The following TMEM132D variants were observed in gnomAD, a reference collection of about 807,000 sequenced individuals.
TMEM132D encodes the protein mature OL transmembrane protein.
Under a neutral mutation model 62.3 loss-of-function variants are expected in TMEM132D, and 21 were observed. The observed-to-expected ratio is 0.34, with a 90% CI of 0.24 to 0.49. The LOEUF (loss-of-function observed/expected upper bound fraction) is 0.49. Among genes scored for constraint, TMEM132D ranks in the 20% least tolerant of loss-of-function variants. TMEM132D has a pLI of 0.99. For synonymous variants in TMEM132D, 621 were observed against 575.6 expected (o/e 1.08, Z -1.13); for missense variants, 1,346 against 1,402.8 (o/e 0.96, Z 0.65).
intron 1 of TMEM132D, among the ~76,000 whole-genome samples, chr12:129,770,156 T>C (rs1870693104): frequency 6.9e-6 from 1 of 145,422 alleles, no homozygotes; most frequent in Non-Finnish European, 1.5e-5. Context: ...TTTTTTTTTT[T>C]TTTTTGAGAT....
chr12:129,870,544 C>A (rs927670624), intron 1 of TMEM132D, among the ~76,000 whole-genome samples: 1 of 152,128 alleles, frequency 6.6e-6, no homozygotes, highest in African/African-American at 2.4e-5. Context: ...GAGGAGAGAG[C>A]GCAAAAGCTC....
chr12:129,404,598 G>A (rs536803267), intron 3 of TMEM132D, among the ~76,000 whole-genome samples: 5 of 152,320 alleles, frequency 3.3e-5, no homozygotes, highest in South Asian at 2.1e-4. Flanking sequence ...TGGAGGACTC[G>A]GGAAGCTCCC....
chr12:129,155,671 G>A (rs1877219076), intron 5 of TMEM132D, among the ~76,000 whole-genome samples: 1 of 152,328 alleles, frequency 6.6e-6, no homozygotes, highest in East Asian at 1.9e-4. Flanking sequence ...ACGGCCAAAG[G>A]CCAAGAGCAG....
intron 4 of TMEM132D, chr12:129,262,259 T>C (rs1251695907): frequency 6.6e-6 from 1 of 152,224 alleles, no homozygotes; most frequent in East Asian, 1.9e-4. Context: ...AAAATATTAG[T>C]GCACAGAAAA....
At chr12:129,306,431 C>T (rs2135631525) in intron 4 of TMEM132D, among the ~76,000 whole-genome samples, 1 of 152,326 alleles carries the variant, frequency 6.6e-6, no homozygotes, top group Non-Finnish European at 1.5e-5. Context: ...TATCTACTTA[C>T]ATTTCACCTC....
chr12:129,543,354 G>GTGGGTGGA (rs893335574), intron 2 of TMEM132D, among the ~76,000 whole-genome samples: 1 of 148,126 alleles, frequency 6.8e-6, no homozygotes, highest in African/African-American at 2.5e-5. Context: ...GGGTGGATGA[G>GTGGGTGGA]TGGGTGGATG....
chr12:129,498,052 A>G (rs1875013252), intron 3 of TMEM132D, among the ~76,000 whole-genome samples: 2 of 152,170 alleles, frequency 1.3e-5, no homozygotes, highest in Non-Finnish European at 2.9e-5. Context: ...AAAATTAAAC[A>G]GAAAAAAAAA....
At chr12:129,598,531 G>A (rs1378911475) in intron 2 of TMEM132D, among the ~76,000 whole-genome samples, 2 of 152,142 alleles carry the variant, frequency 1.3e-5, no homozygotes, top group East Asian at 1.9e-4. Flanking sequence ...AGTCTTTACC[G>A]GCAATAGTGG....
At chr12:129,480,992 A>ATAC (rs1349190767) in intron 3 of TMEM132D, among the ~76,000 whole-genome samples, 1 of 152,092 alleles carries the variant, frequency 6.6e-6, no homozygotes, top group African/African-American at 2.4e-5. Flanking sequence ...ACACTATGGG[A>ATAC]TACTACGCAG....
intron 3 of TMEM132D, among the ~76,000 whole-genome samples, chr12:129,451,482 T>C (rs760803433): frequency 4.6e-5 from 7 of 152,178 alleles, no homozygotes; most frequent in Non-Finnish European, 1.0e-4. Flanking sequence ...TGGGTAGCAA[T>C]CACAGGGAAA....
chr12:129,508,448 C>T (rs1875405918), intron 3 of TMEM132D, among the ~76,000 whole-genome samples: 1 of 152,182 alleles, frequency 6.6e-6, no homozygotes, highest in Non-Finnish European at 1.5e-5. Flanking sequence ...ACTATTAGCT[C>T]TTATTTGTAA....
chr12:129,405,985 A>T lies in TMEM132D; in HGVS notation c.1116-68168T>A, dbSNP rs190199211. Among the ~76,000 whole-genome samples, 586 of 152,340 alleles carry T rather than the reference A, an allele frequency of 3.8e-3. 2 individuals are homozygous for T. Among genetic ancestry groups the T allele is most frequent in the Middle Eastern group, 6.8e-3 (2 of 294 alleles). On this transcript the variant is annotated intron_variant, in intron 3 of 8. Coordinates refer to ENST00000422113, the MANE Select transcript of TMEM132D (RefSeq NM_133448.3). ...GACAAATCAATTAAATCCCTCAAAC[A>T]TCTATAAAACCCAATTCATTAATTC...
intron 5 of TMEM132D, among the ~76,000 whole-genome samples, chr12:129,124,267 CA>C (rs926189814): frequency 3.0e-4 from 46 of 152,166 alleles, no homozygotes; most frequent in Admixed American, 2.6e-4. Flanking sequence ...AGACTAATCT[CA>C]CCCACATCCA....
intron 4 of TMEM132D, among the ~76,000 whole-genome samples, chr12:129,290,028 T>G (rs1393900794): frequency 2.6e-5 from 4 of 152,196 alleles, no homozygotes; most frequent in Admixed American, 2.6e-4. Flanking sequence ...TATTAATAGG[T>G]TCATATCAAT....
At chr12:129,565,489 A>T (rs902491563) in intron 2 of TMEM132D, among the ~76,000 whole-genome samples, 1 of 152,174 alleles carries the variant, frequency 6.6e-6, no homozygotes, top group Non-Finnish European at 1.5e-5. Context: ...TTCCAAAGGG[A>T]GGAGGGTATC....
chr12:129,491,912 A>T (rs947035296), intron 3 of TMEM132D, among the ~76,000 whole-genome samples: 6 of 150,566 alleles, frequency 4.0e-5, no homozygotes, highest in African/African-American at 1.5e-4. Flanking sequence ...ACTGCACTCC[A>T]GCCTGGGAAA....
chr12:129,772,408 G>A (rs1390628952), intron 1 of TMEM132D, among the ~76,000 whole-genome samples: 1 of 152,166 alleles, frequency 6.6e-6, no homozygotes, highest in Non-Finnish European at 1.5e-5. Flanking sequence ...ATGGGAAAAA[G>A]AGTCCAGTAT....
At chr12:129,450,273 T>G (rs1873233589) in intron 3 of TMEM132D, among the ~76,000 whole-genome samples, 3 of 152,222 alleles carry the variant, frequency 2.0e-5, no homozygotes. Context: ...TCATGAAATC[T>G]TTGCTGTGCC....
chr12:129,650,743 A>G (rs535402900), intron 2 of TMEM132D, among the ~76,000 whole-genome samples: 1 of 152,218 alleles, frequency 6.6e-6, no homozygotes, highest in African/African-American at 2.4e-5. Context: ...TCTCTTCTCA[A>G]GTCTGTTGGC....
Sources: allele counts gnomAD v4.1 joint callset (sites outside exome capture counted in the v4.1 genomes callset), GRCh38; gene constraint gnomAD v4.1.1; transcripts MANE v1.5; gene names NCBI Gene and HGNC (gene_info 2026-07-23, HGNC 2026-07-21).